SH3GLB1: variants seen among roughly 807,000 people sequenced by gnomAD.
SH3GLB1 encodes the protein SH3 domain containing GRB2 like, endophilin B1.
In SH3GLB1, 17 loss-of-function variants were observed where a neutral mutation model predicts 42.0. The observed-to-expected ratio is 0.40, with a 90% CI of 0.28 to 0.61. The LOEUF (loss-of-function observed/expected upper bound fraction) is 0.61. SH3GLB1 is among the 20% of genes least tolerant of loss of function. The pLI, the probability that SH3GLB1 is intolerant of heterozygous loss-of-function variation, is 0.36. For synonymous variants in SH3GLB1, 132 were observed against 146.6 expected, an observed-to-expected ratio of 0.90 and a Z score of 0.72; for missense variants, 355 against 426.3, an observed-to-expected ratio of 0.83 and a Z score of 1.47.
At chr1:86,734,527 T>C (rs1570288177) in intron 5 of SH3GLB1, 75 bp from the exon 6 acceptor site, 1 of 1,050,062 alleles carries the variant, frequency 9.5e-7, no homozygotes, top group Non-Finnish European at 1.4e-6. Context: ...GGATTTTTTT[T>C]AACCATCTAA....
At chr1:86,721,493 G>C (rs1463425816) in intron 3 of SH3GLB1, among the ~76,000 whole-genome samples, 1 of 152,098 alleles carries the variant, frequency 6.6e-6, no homozygotes, top group Admixed American at 6.6e-5. Flanking sequence ...CTAACATGAA[G>C]GGATTAAGAT....
In SH3GLB1 at chr1:86,745,389, C is replaced by G. The variant is rs1656251117; in HGVS notation, c.*2154C>G. ...TAGCCCCTGTAGCATCCTGACCTAC[C>G]AAGTCTATAGGCCTTGCATATCACT... On this transcript the variant is annotated 3_prime_UTR_variant, in exon 9 of 9. Coordinates refer to ENST00000370558, the MANE Select transcript of SH3GLB1 (RefSeq NM_016009.5). The G allele has an allele frequency of 6.6e-6, 1 of 152,156 alleles. No individual in the cohort carries two copies. Among genetic ancestry groups the G allele is most frequent in the Non-Finnish European group, 1.5e-5 (1 of 68,040 alleles). 9.4% of individuals were successfully genotyped at this position (152,156 alleles called of 1,614,324 possible). A position where few individuals can be genotyped will look rare whatever the true frequency, so the allele number is the denominator to read the frequency against.
At chr1:86,711,737 T>A (rs1654222555) in intron 1 of SH3GLB1, among the ~76,000 whole-genome samples, 2 of 152,094 alleles carry the variant, frequency 1.3e-5, no homozygotes, top group Admixed American at 6.5e-5. Context: ...AGGAAAGGGA[T>A]CTTTTTTTAA....
At chr1:86,706,801 A>G (rs1051264272) in intron 1 of SH3GLB1, among the ~76,000 whole-genome samples, 1 of 152,224 alleles carries the variant, frequency 6.6e-6, no homozygotes, top group African/African-American at 2.4e-5. Context: ...ATTTACTAGA[A>G]TTTAGTCTGA....
rs1656141494 is a variant in SH3GLB1, at chr1:86,743,163, A to C, written c.1026A>C (p.Ser342=). The part of the protein sequence containing the change: ...ITVFSVVGMD[S]DWLMGERGNQ... The stretch of plus-strand genomic sequence containing the variant: ...TGTTCAGTGTTGTTGGAATGGATTC[A>C]GACTGGCTAATGGGGGAAAGGGGAA... Residue 342 remains serine (S), a synonymous_variant, in exon 9 of 9, where the codon TCA becomes TCC. Transcript: ENST00000370558. 1 of 1,613,678 alleles carries C rather than the reference A, an allele frequency of 6.2e-7. No individual in the cohort carries two copies. The highest frequency in any genetic ancestry group is 1.7e-5 in the Admixed American group (1 of 59,896).
chr1:86,732,152 A>G (rs969467939), intron 5 of SH3GLB1, among the ~76,000 whole-genome samples: 1 of 152,222 alleles, frequency 6.6e-6, no homozygotes, highest in African/African-American at 2.4e-5. Flanking sequence ...ATAGTAGTCA[A>G]CACTGATCAA....
At chr1:86,710,231 A>C (rs1177140637) in intron 1 of SH3GLB1, among the ~76,000 whole-genome samples, 1 of 152,168 alleles carries the variant, frequency 6.6e-6, no homozygotes, top group African/African-American at 2.4e-5. Flanking sequence ...GAAAATCTAT[A>C]AAACTCTTTT....
At chr1:86,713,415 T>G (rs569948068) in intron 1 of SH3GLB1, among the ~76,000 whole-genome samples, 1 of 152,272 alleles carries the variant, frequency 6.6e-6, no homozygotes, top group East Asian at 1.9e-4. Context: ...GATCTGTTGA[T>G]TTTTCTATTA....
intron 2 of SH3GLB1, among the ~76,000 whole-genome samples, chr1:86,717,582 C>T (rs554437746): frequency 2.6e-5 from 4 of 152,038 alleles, no homozygotes; most frequent in East Asian, 1.9e-4. Flanking sequence ...CCACCATACC[C>T]GGCTAATTTT....
At chr1:86,741,235 G>T (rs1227405427) in intron 7 of SH3GLB1, among the ~76,000 whole-genome samples, 1 of 152,166 alleles carries the variant, frequency 6.6e-6, no homozygotes, top group Non-Finnish European at 1.5e-5. Flanking sequence ...TTTTGCTGAT[G>T]ACTGAAATGA....
chr1:86,727,835 C>T (rs1056086854), intron 5 of SH3GLB1, among the ~76,000 whole-genome samples: 6 of 152,036 alleles, frequency 3.9e-5, no homozygotes, highest in African/African-American at 1.2e-4. Flanking sequence ...ATATAGCAAA[C>T]TTAAGCATTT....
intron 5 of SH3GLB1, among the ~76,000 whole-genome samples, chr1:86,727,435 A>T (rs1570275494): frequency 6.6e-6 from 1 of 152,028 alleles, no homozygotes; most frequent in Admixed American, 6.5e-5. Context: ...GAATATCCCA[A>T]ATCCAAAAAC....
At chr1:86,720,867 C>T (rs972003788) in intron 3 of SH3GLB1, among the ~76,000 whole-genome samples, 11 of 152,086 alleles carry the variant, frequency 7.2e-5, no homozygotes, top group Non-Finnish European at 1.6e-4. Context: ...ACATTGTGTT[C>T]TTCAAAATCT....
intron 7 of SH3GLB1, among the ~76,000 whole-genome samples, chr1:86,739,513 C>T (rs77854470): frequency 1.6e-3 from 240 of 152,064 alleles, no homozygotes; most frequent in Middle Eastern, 6.8e-3. Context: ...AAACAGTAGG[C>T]GCAAAGTAAT....
chr1:86,740,752 T>C (rs1449911901), intron 7 of SH3GLB1, among the ~76,000 whole-genome samples: 6 of 152,250 alleles, frequency 3.9e-5, no homozygotes, highest in Admixed American at 1.3e-4. Context: ...TTCGAGGATC[T>C]AAGAGGCTAA....
Position 86,743,254 on chromosome 1 carries a change from G to C in SH3GLB1, c.*19G>C, listed in dbSNP as rs1398080966. 1 of 1,549,422 alleles carries C rather than the reference G, an allele frequency of 6.5e-7. No homozygotes were observed. Among genetic ancestry groups the C allele is most frequent in the Admixed American group, 2.0e-5 (1 of 50,196 alleles). ...CAATTAAGTAGGTGGACTATGGAAAGGTTGCCCATCATGACTTTGTATTTA... is the reference window on the plus strand; with the variant it reads ...CAATTAAGTAGGTGGACTATGGAAACGTTGCCCATCATGACTTTGTATTTA... On this transcript the variant is annotated 3_prime_UTR_variant, in exon 9 of 9. Transcript: ENST00000370558.
chr1:86,747,498 TA>T lies in SH3GLB1; in HGVS notation c.*4265del, dbSNP rs11293484. On this transcript the variant is annotated 3_prime_UTR_variant, in exon 9 of 9. Coordinates refer to ENST00000370558, the MANE Select transcript of SH3GLB1 (RefSeq NM_016009.5). ...AATCCTCTCTGCCTTCTGTAACCCT[TA>T]ACCAACAACAGTGCCCTGTCCATGT... is the stretch of plus-strand genomic sequence containing the variant. 48,585 of 152,086 alleles carry T rather than the reference TA, an allele frequency of 0.32. 10,532 individuals carry two copies. The highest frequency in any genetic ancestry group is 0.63 in the African/African-American group (25,929 of 41,422). 9.4% of individuals were successfully genotyped at this position (152,086 alleles called of 1,614,324 possible).
chr1:86,724,892 A>AAAAATATATATATAT (rs1291454820), intron 5 of SH3GLB1, among the ~76,000 whole-genome samples: 1 of 99,700 alleles, frequency 1.0e-5, no homozygotes, highest in Non-Finnish European at 1.8e-5. Context: ...AAAAAAAAAA[A>AAAAATATATATATAT]ATATATATAT....
intron 4 of SH3GLB1, among the ~76,000 whole-genome samples, chr1:86,724,028 G>T (rs1655018045): frequency 6.6e-6 from 1 of 151,872 alleles, no homozygotes; most frequent in South Asian, 2.1e-4. Flanking sequence ...CCGAGGCAGG[G>T]ACAGGATCAT....
Sources: gnomAD v4.1 joint callset for allele counts (sites outside exome capture counted in the v4.1 genomes callset) on GRCh38, gnomAD v4.1.1 for gene constraint, MANE v1.5 for transcripts, NCBI Gene and HGNC (gene_info 2026-07-23, HGNC 2026-07-21) for gene names.